Variants in TP73 observed in about 807,000 individuals in gnomAD.
TP73 encodes the protein p53-like transcription factor.
A neutral mutation model predicts 62.5 loss-of-function variants in TP73; 25 were observed. The observed-to-expected ratio is 0.40, with a 90% confidence interval of 0.29 to 0.56. TP73 has a LOEUF of 0.56. Among genes scored for constraint, TP73 ranks in the 20% least tolerant of loss-of-function variants. The probability of loss-of-function intolerance (pLI) is 0.46; values close to 1 mark genes in which losing one functional copy is unlikely to be tolerated. For missense variants in TP73, 754 were observed against 913.3 expected (o/e 0.83, Z 2.25); for synonymous variants, 423 against 377.5 (o/e 1.12, Z -1.40).
In TP73 at chr1:3,666,150, A is replaced by AAGAG. The variant is rs1419088937; in HGVS notation, c.-34+13525_-34+13528dup. 7.9e-5 allele frequency among the ~76,000 whole-genome samples: 11 copies of AAGAG among 138,634 alleles called. No homozygotes were observed. The highest frequency in any genetic ancestry group is 2.0e-4 in the East Asian group (1 of 4,950). 90.9% of individuals were successfully genotyped at this position (138,634 alleles called of 152,430 possible). Reference sequence around the variant, plus strand: ...AAAAAAAAAAAAAAAAAAAAAAAAAAAGAGAGAGAGAGAGAGAGAATCTCA... The same window carrying AAGAG: ...AAAAAAAAAAAAAAAAAAAAAAAAAAAGAGAGAGAGAGAGAGAGAGAGAATCTCA... On this transcript the variant is annotated intron_variant, in intron 1 of 13. Coordinates refer to ENST00000378295, the MANE Select transcript of TP73 (RefSeq NM_005427.4). The surrounding 1 kb of genome is among the most constrained non-coding windows in gnomAD (Gnocchi z 6.4).
Position 3,729,348 on chromosome 1 carries a change from G to C in TP73, c.1096G>C (p.Glu366Gln). 1 of 1,613,272 alleles carries C rather than the reference G, an allele frequency of 6.2e-7. No homozygotes were observed. The highest frequency in any genetic ancestry group is 1.1e-5 in the South Asian group (1 of 91,084). ...YLQVRGRENF[E>Q]ILMKLKESLE... ...TCAGGTGCGAGGCCGGGAGAACTTTGAGATCCTGATGAAGCTGAAAGAGAG... is the reference window on the plus strand; with the variant it reads ...TCAGGTGCGAGGCCGGGAGAACTTTCAGATCCTGATGAAGCTGAAAGAGAG... Residue 366 changes from glutamate (E) to glutamine (Q), a missense_variant, in exon 10 of 14, where the codon GAG (glutamate) becomes CAG (glutamine). Physicochemically the swap from Glu to Gln is conservative, Grantham distance 29 (BLOSUM62 2). Around this residue, in one of 3 missense-constraint regions of TP73, gnomAD observed 458 missense variants for 528.7 expected, o/e 0.87. Coordinates refer to ENST00000378295, the MANE Select transcript of TP73 (RefSeq NM_005427.4).
At chr1:3,664,966 A>G (rs1645078658) in intron 1 of TP73, among the ~76,000 whole-genome samples, 1 of 152,218 alleles carries the variant, frequency 6.6e-6, no homozygotes, top group Non-Finnish European at 1.5e-5. Context: ...TGCACAATGC[A>G]GGGTGAAGTC....
intron 3 of TP73, chr1:3,690,904 C>T: frequency 6.3e-7 from 1 of 1,577,540 alleles, no homozygotes; most frequent in Non-Finnish European, 8.6e-7. Flanking sequence ...CCGGCGCCTA[C>T]CATGCTGTAC....
chr1:3,708,963 G>A (rs1400059738), intron 4 of TP73, among the ~76,000 whole-genome samples: 1 of 152,248 alleles, frequency 6.6e-6, no homozygotes, highest in Non-Finnish European at 1.5e-5. Context: ...CGGGAGTGCT[G>A]AGCAAGGGGC....
chr1:3,693,748 T>C (rs36150902), intron 3 of TP73, among the ~76,000 whole-genome samples: 10,412 of 54,320 alleles, frequency 0.19, 156 homozygotes, highest in Admixed American at 0.23. Context: ...CAGCCTCAGC[T>C]CCTCCTCCCA....
intron 3 of TP73, among the ~76,000 whole-genome samples, chr1:3,706,362 C>T (rs1387611072): frequency 1.3e-5 from 2 of 149,326 alleles, no homozygotes; most frequent in Admixed American, 6.6e-5. Context: ...TCACGGTGCC[C>T]GCCGCAGGCC....
chr1:3,655,179 G>C (rs1453098302), intron 1 of TP73, among the ~76,000 whole-genome samples: 1 of 152,236 alleles, frequency 6.6e-6, no homozygotes, highest in Non-Finnish European at 1.5e-5. Context: ...TTGAGATCAG[G>C]AGTTCAAGAC....
intron 3 of TP73, among the ~76,000 whole-genome samples, chr1:3,693,652 C>T (rs1265137955): frequency 4.6e-5 from 7 of 152,068 alleles, no homozygotes; most frequent in Non-Finnish European, 1.0e-4. Context: ...GCAGGGGGGC[C>T]TGGCCTGGAG....
At position 3,733,448 on chromosome 1, in the gene TP73, A is replaced by G. The variant is rs1237147794; in HGVS notation, c.*369A>G. 1 of 309,264 alleles carries G rather than the reference A, an allele frequency of 3.2e-6. No homozygotes were observed. The highest frequency in any genetic ancestry group is 6.1e-6 in the Non-Finnish European group (1 of 164,496). The allele number at this position is 309,264 out of a possible 1,614,324, so 19.2% of individuals were successfully genotyped here. A position where few individuals can be genotyped will look rare whatever the true frequency, so the allele number is the denominator to read the frequency against. On this transcript the variant is annotated 3_prime_UTR_variant, in exon 14 of 14. Coordinates refer to ENST00000378295, the MANE Select transcript of TP73 (RefSeq NM_005427.4). ...TCCTAGAGACTGTCATCTCCCAACC[A>G]GGCGAGGTCCTTCCAAAGGAAAGGA...
intron 4 of TP73, among the ~76,000 whole-genome samples, chr1:3,721,433 T>G (rs1220132929): frequency 6.6e-6 from 1 of 152,174 alleles, no homozygotes; most frequent in Non-Finnish European, 1.5e-5. Flanking sequence ...GGAGAGGGTG[T>G]CAGAGTCACC....
chr1:3,665,801 T>G (rs909954269), intron 1 of TP73, among the ~76,000 whole-genome samples: 1 of 145,570 alleles, frequency 6.9e-6, no homozygotes, highest in African/African-American at 2.5e-5. Context: ...ATTACAGGCA[T>G]GAACCACCGT....
At chr1:3,656,648 C>T (rs1433238109) in intron 1 of TP73, among the ~76,000 whole-genome samples, 1 of 152,212 alleles carries the variant, frequency 6.6e-6, no homozygotes, top group African/African-American at 2.4e-5. Context: ...GCTATGACCA[C>T]GAAGCTGGGA....
In TP73 at chr1:3,727,639, T is replaced by C; in HGVS notation, c.854T>C (p.Leu285Pro). The C allele has an allele frequency of 6.3e-7, 1 of 1,599,922 alleles. No homozygotes were observed. The highest frequency in any genetic ancestry group is 8.5e-7 in the Non-Finnish European group (1 of 1,176,180). Reference sequence around the variant, plus strand: ...TGCCCACCCGACAGTGGGCAGGTGCTGGGCCGCCGGTCCTTTGAGGGCCGC... The same window carrying C: ...TGCCCACCCGACAGTGGGCAGGTGCCGGGCCGCCGGTCCTTTGAGGGCCGC... ...ITLEMRDGQV[L>P]GRRSFEGRIC... The change falls in exon 8 of 14, where the codon CTG becomes CCG. Residue 285 changes from leucine (L) to proline (P), a missense_variant. By Grantham distance (98) the Leu-to-Pro change is moderately conservative (BLOSUM62 -3). Coordinates refer to ENST00000378295, the MANE Select transcript of TP73 (RefSeq NM_005427.4).
rs546063275 is a variant in TP73 at position 3,666,273 on chromosome 1, C to A, written c.-34+13632C>A. On this transcript the variant is annotated intron_variant, in intron 1 of 13. Coordinates refer to ENST00000378295, the MANE Select transcript of TP73 (RefSeq NM_005427.4). The surrounding 1 kb of genome is among the most constrained non-coding windows in gnomAD (Gnocchi z 6.4). ...ATCCTCTTGCCTGTGTCCTGAGTAG[C>A]TGTGACCATAGACACACACCACCAC... Among the ~76,000 whole-genome samples the A allele has an allele frequency of 1.3e-5, 2 of 152,218 alleles. No homozygotes were observed. The highest frequency in any genetic ancestry group is 2.4e-5 in the African/African-American group (1 of 41,532).
chr1:3,717,352 G>A (rs761001198), intron 4 of TP73, among the ~76,000 whole-genome samples: 1 of 152,212 alleles, frequency 6.6e-6, no homozygotes, highest in Non-Finnish European at 1.5e-5. Context: ...GGGTCGGAGA[G>A]GAGCCGGCAG....
Position 3,733,324 on chromosome 1 carries a change from G to T in TP73, c.*245G>T. ...AGCTGCCCTAGTGCTGGGCTTGTGG[G>T]GCGGGGGCTGGCCCACTCTCAGCCC... On this transcript the variant is annotated 3_prime_UTR_variant, in exon 14 of 14. Coordinates refer to ENST00000378295, the MANE Select transcript of TP73 (RefSeq NM_005427.4). 1.7e-6 allele frequency: 1 copy of T among 573,390 alleles called. No individual in the cohort carries two copies. The highest frequency in any genetic ancestry group is 2.9e-5 in the East Asian group (1 of 34,276). The allele number at this position is 573,390 out of a possible 1,614,324, so 35.5% of individuals were successfully genotyped here.
intron 4 of TP73, among the ~76,000 whole-genome samples, chr1:3,720,291 C>T (rs1399585543): frequency 6.6e-6 from 1 of 152,214 alleles, no homozygotes; most frequent in Non-Finnish European, 1.5e-5. Context: ...GTGTTTTAAA[C>T]AGGACTGGGG....
At chr1:3,706,497 C>T (rs946678352) in intron 3 of TP73, among the ~76,000 whole-genome samples, 11 of 151,320 alleles carry the variant, frequency 7.3e-5, no homozygotes, top group Admixed American at 4.0e-4. Context: ...TCACGGTGCC[C>T]GCCGCAGGCC....
Position 3,690,538 on chromosome 1 carries a change from C to T in TP73, c.186+7358C>T, listed in dbSNP as rs183083136. ...GGTGGGTTTAATTATGGAGCCGGCG[C>T]TGACCGGCGTCCCCGCCCTCCCCAC... On this transcript the variant is annotated intron_variant, in intron 3 of 13. Transcript: ENST00000378295. The T allele has an allele frequency of 2.9e-5, 27 of 934,864 alleles. No individual in the cohort carries two copies. The African/African-American group carries it at 4.2e-4, about 14-fold the overall frequency. 57.9% of individuals were successfully genotyped at this position (934,864 alleles called of 1,614,324 possible).
Sources: allele counts gnomAD v4.1 joint callset (sites outside exome capture counted in the v4.1 genomes callset), GRCh38; gene constraint gnomAD v4.1.1; regional missense constraint gnomAD v4.1.1; non-coding constraint Gnocchi (gnomAD v3.1); transcripts MANE v1.5; gene names NCBI Gene and HGNC (gene_info 2026-07-23, HGNC 2026-07-21).